The following MYO1H variants were observed in gnomAD, a reference collection of about 807,000 sequenced individuals.
MYO1H encodes unconventional myosin-Ih.
A neutral mutation model predicts 149.3 loss-of-function variants in MYO1H; 118 were observed. That is an observed-to-expected ratio of 0.79 (90% CI 0.68 to 0.92). The LOEUF (loss-of-function observed/expected upper bound fraction) is 0.92, where lower values mean the gene tolerates loss of function less well. Among genes scored for constraint, MYO1H ranks in the 40% least tolerant of loss-of-function variants. The pLI, the probability that MYO1H is intolerant of heterozygous loss-of-function variation, is 0.00. For synonymous variants in MYO1H, 447 were observed against 465.2 expected (o/e 0.96, Z 0.50); for missense variants, 1,212 against 1,280.7 (o/e 0.95, Z 0.82).
chr12:109,346,200 A>G (rs1277902179), upstream of MYO1H, among the ~76,000 whole-genome samples: 1 of 152,192 alleles, frequency 6.6e-6, no homozygotes, highest in Non-Finnish European at 1.5e-5. Context: ...AACTATTTAC[A>G]TGGCATTTAC....
intron 1 of MYO1H, among the ~76,000 whole-genome samples, chr12:109,373,288 T>A (rs1204326041): frequency 6.6e-6 from 1 of 152,168 alleles, no homozygotes. Context: ...TTAAGAGGCA[T>A]GCTTTTATGT....
chr12:109,407,829 C>T (rs369028011), exon 10 of MYO1H: 14 of 1,613,450 alleles, frequency 8.7e-6, no homozygotes, highest in East Asian at 4.5e-5. Context: ...TCTCTGTCTA[C>T]GCTAGAGATG....
chr12:109,388,559 C>A, intron 1 of MYO1H, 124 bp from the exon 2 acceptor site: 2 of 818,324 alleles, frequency 2.4e-6, no homozygotes, highest in East Asian at 2.7e-5. Context: ...TAAGTGAAGA[C>A]GGCATAATTT....
the MYO1H span, among the ~76,000 whole-genome samples, chr12:109,323,603 T>A: frequency 6.6e-6 from 1 of 152,220 alleles, no homozygotes; most frequent in Non-Finnish European, 1.5e-5. Flanking sequence ...TTTTCATTTC[T>A]AAGTGCTCCC....
chr12:109,322,820 A>C, the MYO1H span, among the ~76,000 whole-genome samples: 3 of 35,084 alleles, frequency 8.6e-5, no homozygotes, highest in African/African-American at 4.6e-4. Flanking sequence ...ACTCCGTCTC[A>C]AAAAAAAAAA....
At chr12:109,364,084 T>A (rs1868812452) in intron 1 of MYO1H, among the ~76,000 whole-genome samples, 1 of 148,686 alleles carries the variant, frequency 6.7e-6, no homozygotes, top group Non-Finnish European at 1.5e-5. Flanking sequence ...GGCAGGAGAA[T>A]TGTTTGAACC....
intron 22 of MYO1H, among the ~76,000 whole-genome samples, chr12:109,436,948 C>T (rs866508114): frequency 8.1e-5 from 12 of 148,108 alleles, no homozygotes; most frequent in African/African-American, 2.9e-4. Context: ...AAACAAAACA[C>T]CCAAAAATTA....
At chr12:109,372,586 T>A (rs992595701) in intron 1 of MYO1H, among the ~76,000 whole-genome samples, 5 of 152,118 alleles carry the variant, frequency 3.3e-5, no homozygotes, top group African/African-American at 1.2e-4. Context: ...TGCTTGTCAA[T>A]TCATGTTCAA....
intron 1 of MYO1H, among the ~76,000 whole-genome samples, chr12:109,388,378 T>C (rs1869477564): frequency 6.6e-6 from 1 of 152,168 alleles, no homozygotes; most frequent in Non-Finnish European, 1.5e-5. Context: ...TTCTCATCTG[T>C]AGAATGGGCA....
intron 4 of MYO1H, 44 bp from the exon 5 acceptor site, chr12:109,397,688 C>A: frequency 6.6e-7 from 1 of 1,505,836 alleles, no homozygotes; most frequent in South Asian, 1.2e-5. Flanking sequence ...ATTTGATACG[C>A]ATGGTGAGCT....
At chr12:109,347,519 G>A (rs1008141984), upstream of MYO1H, among the ~76,000 whole-genome samples, 4 of 152,146 alleles carry the variant, frequency 2.6e-5, no homozygotes, top group South Asian at 4.2e-4. Context: ...AGAGCCAACA[G>A]GTACTTCCAG....
chr12:109,364,649 T>C (rs534070834), intron 1 of MYO1H, among the ~76,000 whole-genome samples: 1 of 152,342 alleles, frequency 6.6e-6, no homozygotes, highest in African/African-American at 2.4e-5. Flanking sequence ...CTATTATGTC[T>C]TATTGTTGTA....
intron 1 of MYO1H, among the ~76,000 whole-genome samples, chr12:109,369,234 T>G (rs1207615970): frequency 6.6e-6 from 1 of 152,206 alleles, no homozygotes; most frequent in Non-Finnish European, 1.5e-5. Flanking sequence ...GTGATCCAAA[T>G]GAGCCACGAT....
chr12:109,427,188 C>A (rs1871384437), intron 18 of MYO1H, among the ~76,000 whole-genome samples: 1 of 151,800 alleles, frequency 6.6e-6, no homozygotes, highest in African/African-American at 2.4e-5. Context: ...TGGTGGTGTG[C>A]ACCTGTAATC....
At chr12:109,389,390 C>T (rs1869536208) in intron 2 of MYO1H, among the ~76,000 whole-genome samples, 2 of 152,154 alleles carry the variant, frequency 1.3e-5, no homozygotes, top group African/African-American at 4.8e-5. Flanking sequence ...TGGCCAGGCT[C>T]TTACCAGGCC....
chr12:109,439,884 T>C, intron 24 of MYO1H, 94 bp downstream of exon 24: 1 of 1,153,690 alleles, frequency 8.7e-7, no homozygotes, highest in Non-Finnish European at 1.2e-6. Context: ...CCCTTTGGCT[T>C]GAAAGGGCTG....
intron 5 of MYO1H, among the ~76,000 whole-genome samples, chr12:109,400,625 G>A (rs1870121647): frequency 1.3e-5 from 2 of 152,238 alleles, no homozygotes; most frequent in East Asian, 3.9e-4. Context: ...ATTGACACAA[G>A]GATAGATAAA....
intron 22 of MYO1H, among the ~76,000 whole-genome samples, chr12:109,437,933 CAA>C (rs113639230): frequency 6.7e-6 from 1 of 150,254 alleles, no homozygotes; most frequent in Non-Finnish European, 1.5e-5. Context: ...ACTAAAAATA[CAA>C]AAAAAAATTA....
chr12:109,385,619 C>G (rs1185332463), intron 1 of MYO1H, among the ~76,000 whole-genome samples: 1 of 152,182 alleles, frequency 6.6e-6, no homozygotes, highest in Non-Finnish European at 1.5e-5. Context: ...ATTGTTTGAT[C>G]TAAATGCATT....
Sources: allele counts gnomAD v4.1 joint callset (sites outside exome capture counted in the v4.1 genomes callset), GRCh38; gene constraint gnomAD v4.1.1; transcripts MANE v1.5; gene names NCBI Gene and HGNC (gene_info 2026-07-23, HGNC 2026-07-21).